Variants in ZFHX3 observed in about 807,000 individuals in gnomAD.
ZFHX3 encodes the protein zinc finger homeobox 3.
In ZFHX3, 42 loss-of-function variants were observed where a neutral mutation model predicts 279.1. The observed-to-expected ratio is 0.15, with a 90% CI of 0.12 to 0.19. ZFHX3 has a LOEUF of 0.19. Ranked by LOEUF, ZFHX3 falls within the 10% of genes least tolerant of loss-of-function variation. ZFHX3 has a pLI of 1.00. For synonymous variants in ZFHX3, 2,293 were observed against 1,957.8 expected (o/e 1.17, Z -4.52); for missense variants, 4,981 against 4,754.0 (o/e 1.05, Z -1.40).
intron 7 of ZFHX3, among the ~76,000 whole-genome samples, chr16:73,115,246 A>G (rs958811836): frequency 3.9e-5 from 6 of 151,936 alleles, no homozygotes; most frequent in Non-Finnish European, 7.4e-5. Context: ...CTGCCCCAAG[A>G]TTACGGGGTC....
chr16:73,567,479 G>A (rs536444306), intron 2 of ZFHX3, among the ~76,000 whole-genome samples: 87 of 152,318 alleles, frequency 5.7e-4, no homozygotes, highest in African/African-American at 2.0e-3. Context: ...TCCTGCCAGT[G>A]CTTTCTCTAC....
At chr16:73,881,331 G>A (rs1359687349) in intron 1 of ZFHX3, among the ~76,000 whole-genome samples, 2 of 152,202 alleles carry the variant, frequency 1.3e-5, no homozygotes, top group Non-Finnish European at 2.9e-5. Flanking sequence ...TTATGTTTCT[G>A]CATCAGGTTT....
intron 3 of ZFHX3, among the ~76,000 whole-genome samples, chr16:73,351,858 T>C (rs2016248294): frequency 6.6e-6 from 1 of 152,222 alleles, no homozygotes; most frequent in Non-Finnish European, 1.5e-5. Flanking sequence ...AAGCCTCTGG[T>C]CCAGGTCCTT....
At chr16:73,484,707 C>G (rs2018942545) in intron 2 of ZFHX3, among the ~76,000 whole-genome samples, 1 of 152,220 alleles carries the variant, frequency 6.6e-6, no homozygotes. Flanking sequence ...CAATCAACTT[C>G]CATTTTCCTA....
intron 5 of ZFHX3, among the ~76,000 whole-genome samples, chr16:73,208,526 T>C (rs1329652655): frequency 2.0e-5 from 3 of 152,180 alleles, no homozygotes; most frequent in Admixed American, 6.5e-5. Context: ...TGGAAACATA[T>C]TTACATCTTT....
chr16:73,493,294 G>A (rs546854151), intron 2 of ZFHX3, among the ~76,000 whole-genome samples: 145 of 152,116 alleles, frequency 9.5e-4, no homozygotes, highest in Non-Finnish European at 1.7e-3. Flanking sequence ...ACAGATTCAC[G>A]CACATCAGAT....
intron 6 of ZFHX3, among the ~76,000 whole-genome samples, chr16:73,135,575 G>T (rs576308649): frequency 6.6e-6 from 1 of 152,298 alleles, no homozygotes; most frequent in South Asian, 2.1e-4. Context: ...GCAAACTTAT[G>T]ACCTATGAAC....
chr16:72,951,529 TAGA>T (rs1961001639), intron 2 of ZFHX3, among the ~76,000 whole-genome samples: 1 of 152,234 alleles, frequency 6.6e-6, no homozygotes, highest in South Asian at 2.1e-4. Flanking sequence ...CCCAAAGTGC[TAGA>T]ATGACAGGCA....
chr16:72,851,360 C>A lies in ZFHX3; in HGVS notation c.3449-21501G>T, dbSNP rs191928468. On this transcript the variant is annotated intron_variant, in intron 4 of 9. Coordinates refer to ENST00000268489, the MANE Select transcript of ZFHX3 (RefSeq NM_006885.4). ...ACCCAATGTGGGTGACAGGGAGATA[C>A]CCCGACAAGGGGCTCTTCATCAGCC... is the stretch of plus-strand genomic sequence containing the variant. Among the ~76,000 whole-genome samples, 8 of 152,294 alleles carry A rather than the reference C, an allele frequency of 5.3e-5. No individual in the cohort carries two copies. The East Asian group carries it at 1.5e-3, about 29-fold the overall frequency.
chr16:73,293,235 T>A (rs1231843071), intron 4 of ZFHX3, among the ~76,000 whole-genome samples: 2 of 152,106 alleles, frequency 1.3e-5, no homozygotes, highest in Non-Finnish European at 1.5e-5. Flanking sequence ...ACCTGGGCAA[T>A]ACCAGAGTCA....
chr16:73,293,139 G>A (rs1435330316), intron 4 of ZFHX3, among the ~76,000 whole-genome samples: 1 of 152,226 alleles, frequency 6.6e-6, no homozygotes, highest in East Asian at 1.9e-4. Context: ...ACACAGGTTT[G>A]CGTGAGGAGA....
At chr16:73,820,630 G>A (rs918629119) in intron 1 of ZFHX3, among the ~76,000 whole-genome samples, 3 of 151,952 alleles carry the variant, frequency 2.0e-5, no homozygotes, top group Admixed American at 2.0e-4. Context: ...GTAACCCCCT[G>A]TGAGACTCCA....
chr16:72,932,997 C>A (rs1191049222), intron 3 of ZFHX3, among the ~76,000 whole-genome samples: 2 of 152,210 alleles, frequency 1.3e-5, no homozygotes, highest in African/African-American at 4.8e-5. Flanking sequence ...GGCATCTTCT[C>A]CCTCCTTAAA....
chr16:73,003,969 C>CA (rs1301154206), intron 1 of ZFHX3, among the ~76,000 whole-genome samples: 9 of 142,418 alleles, frequency 6.3e-5, no homozygotes, highest in Admixed American at 2.8e-4. Flanking sequence ...CCACTTAGTT[C>CA]AAAAAAACAA....
chr16:73,793,408 C>T (rs889492811), intron 1 of ZFHX3, among the ~76,000 whole-genome samples: 4 of 152,226 alleles, frequency 2.6e-5, no homozygotes, highest in Non-Finnish European at 5.9e-5. Flanking sequence ...AAGGAAGCAT[C>T]TCCTTGGCAA....
intron 1 of ZFHX3, among the ~76,000 whole-genome samples, chr16:72,963,516 T>G (rs1961687831): frequency 6.6e-6 from 1 of 152,218 alleles, no homozygotes; most frequent in Non-Finnish European, 1.5e-5. Flanking sequence ...TACAGAAGAA[T>G]TCCAGCACCT....
At chr16:73,253,155 C>G (rs1463010161) in intron 5 of ZFHX3, among the ~76,000 whole-genome samples, 1 of 152,096 alleles carries the variant, frequency 6.6e-6, no homozygotes, top group African/African-American at 2.4e-5. Flanking sequence ...AACGTTTGCT[C>G]AAGGACTCCT....
chr16:73,427,198 C>T (rs2017825147), intron 3 of ZFHX3, among the ~76,000 whole-genome samples: 1 of 152,194 alleles, frequency 6.6e-6, no homozygotes, highest in Non-Finnish European at 1.5e-5. Context: ...CATCTCCAAA[C>T]AAGGAAGAGG....
chr16:73,082,549 G>C (rs540678492), intron 8 of ZFHX3, among the ~76,000 whole-genome samples: 5 of 152,220 alleles, frequency 3.3e-5, no homozygotes, highest in African/African-American at 7.2e-5. Flanking sequence ...GATTACAGAC[G>C]TGAGCCACCG....
Sources: allele counts gnomAD v4.1 joint callset (sites outside exome capture counted in the v4.1 genomes callset), GRCh38; gene constraint gnomAD v4.1.1; transcripts MANE v1.5; gene names NCBI Gene and HGNC (gene_info 2026-07-23, HGNC 2026-07-21).